The following DNM3 variants were observed in gnomAD, a reference collection of about 807,000 sequenced individuals.
DNM3 encodes the protein dynamin 3, also known as dynamin-3.
In DNM3, 47 loss-of-function variants were observed where a neutral mutation model predicts 101.6. That is an observed-to-expected ratio of 0.46 (90% confidence interval 0.37 to 0.59). The LOEUF (loss-of-function observed/expected upper bound fraction) is 0.59, where lower values mean the gene tolerates loss of function less well. DNM3 is among the 20% of genes least tolerant of loss of function. The pLI is 0.00. For missense variants in DNM3, 849 were observed against 1,085.7 expected (o/e 0.78, Z 3.06); for synonymous variants, 385 against 387.9 (o/e 0.99, Z 0.09).
At chr1:172,076,700 C>G (rs2052677379) in intron 11 of DNM3, among the ~76,000 whole-genome samples, 1 of 152,156 alleles carries the variant, frequency 6.6e-6, no homozygotes, top group Non-Finnish European at 1.5e-5. Flanking sequence ...TTTTGATGTG[C>G]TGCCGGATTC....
At position 171,956,590 on chromosome 1, in the gene DNM3, G is replaced by A. The variant is rs187428212; in HGVS notation, c.236-31066G>A. Among the ~76,000 whole-genome samples, 8 of 152,200 alleles carry A rather than the reference G, an allele frequency of 5.3e-5. No individual in the cohort carries two copies. In the South Asian group the frequency reaches 6.2e-4, roughly 12 times the overall value. On this transcript the variant is annotated intron_variant, in intron 2 of 20. Coordinates refer to ENST00000627582, the MANE Select transcript of DNM3 (RefSeq NM_015569.5). ...TTCCAGGTGCATAGTGCAGGCTGTC[G>A]GTGGATCTACCATTCTGGGGTCTGG...
intron 14 of DNM3, among the ~76,000 whole-genome samples, chr1:172,215,353 A>G (rs1428170349): frequency 6.6e-6 from 1 of 152,126 alleles, no homozygotes; most frequent in African/African-American, 2.4e-5. Context: ...TAGTATGTGC[A>G]TATGCCCCGG....
At chr1:171,897,207 T>A (rs985429598) in intron 1 of DNM3, among the ~76,000 whole-genome samples, 1 of 152,124 alleles carries the variant, frequency 6.6e-6, no homozygotes, top group Non-Finnish European at 1.5e-5. Flanking sequence ...ATTTCACGAA[T>A]CAGTTTTAAA....
intron 1 of DNM3, among the ~76,000 whole-genome samples, chr1:171,859,438 C>T (rs189879770): frequency 3.9e-4 from 59 of 152,236 alleles, no homozygotes; most frequent in Middle Eastern, 6.8e-3. Context: ...GGCAGGGTCT[C>T]TTTTATTTGT....
intron 14 of DNM3, among the ~76,000 whole-genome samples, chr1:172,170,239 G>C (rs1045693753): frequency 6.6e-6 from 1 of 151,878 alleles, no homozygotes; most frequent in Non-Finnish European, 1.5e-5. Context: ...AATATCAAGT[G>C]GAGGTGCCAT....
chr1:172,109,286 G>T (rs2055285765), intron 13 of DNM3, among the ~76,000 whole-genome samples: 1 of 151,932 alleles, frequency 6.6e-6, no homozygotes, highest in African/African-American at 2.4e-5. Flanking sequence ...TCTTCCTGTT[G>T]ACCTGCTGTA....
intron 3 of DNM3, among the ~76,000 whole-genome samples, chr1:171,988,222 T>C (rs976023031): frequency 1.4e-4 from 22 of 152,160 alleles, no homozygotes; most frequent in African/African-American, 4.6e-4. Flanking sequence ...CCCCAGACTA[T>C]CGGTAGAAAC....
Position 171,875,813 on chromosome 1 carries a change from C to CTTTTTTTTTTTTTT in DNM3, c.161+33999_161+34012dup, listed in dbSNP as rs60523795. Among the ~76,000 whole-genome samples, 652 of 104,590 alleles carry CTTTTTTTTTTTTTT rather than the reference C, an allele frequency of 6.2e-3. 78 individuals are homozygous for CTTTTTTTTTTTTTT. The highest frequency in any genetic ancestry group is 9.6e-3 in the South Asian group (27 of 2,810). The allele number at this position is 104,590 out of a possible 152,430, so 68.6% of individuals were successfully genotyped here. Reference sequence around the variant, plus strand: ...CAAGTCTAAAAAAAGAGTTGTCTCTCTTTTTTTTTTTTTTTTGAGATGGAG... The same window carrying CTTTTTTTTTTTTTT: ...CAAGTCTAAAAAAAGAGTTGTCTCTCTTTTTTTTTTTTTTTTTTTTTTTTTTTTTTGAGATGGAG... On this transcript the variant is annotated intron_variant, in intron 1 of 20. Coordinates refer to ENST00000627582, the MANE Select transcript of DNM3 (RefSeq NM_015569.5).
intron 14 of DNM3, among the ~76,000 whole-genome samples, chr1:172,165,557 C>T (rs900005854): frequency 1.3e-5 from 2 of 151,962 alleles, no homozygotes; most frequent in South Asian, 4.2e-4. Flanking sequence ...TATCCTGCTC[C>T]AGATCCCTAG....
intron 4 of DNM3, among the ~76,000 whole-genome samples, chr1:171,999,969 G>A (rs1288862831): frequency 6.6e-6 from 1 of 152,098 alleles, no homozygotes; most frequent in Non-Finnish European, 1.5e-5. Context: ...CTGGCTTGCA[G>A]AACTGTGAGA....
At chr1:172,222,822 A>G (rs112095653) in intron 14 of DNM3, among the ~76,000 whole-genome samples, 4,944 of 152,282 alleles carry the variant, frequency 0.032, 104 homozygotes, top group South Asian at 0.061. Flanking sequence ...CAAAGATCTC[A>G]GAAGAGATAT....
intron 2 of DNM3, among the ~76,000 whole-genome samples, chr1:171,947,471 G>A (rs2042241978): frequency 1.3e-5 from 2 of 151,996 alleles, no homozygotes; most frequent in Admixed American, 6.6e-5. Context: ...TAGTTTAAGT[G>A]TTTTAAATTT....
At position 172,112,020 on chromosome 1, in the gene DNM3, G is replaced by A. The variant is rs80168822; in HGVS notation, c.1545+19145G>A. Among the ~76,000 whole-genome samples, 429 of 152,210 alleles carry A rather than the reference G, an allele frequency of 2.8e-3. 6 individuals carry two copies. In the East Asian group the frequency reaches 0.035, roughly 12 times the overall value. ...CTACCTGTCATTCTCTGGAATATTT[G>A]ATATTTTAATAATCATAATAATAGC... On this transcript the variant is annotated intron_variant, in intron 13 of 20. Transcript: ENST00000627582.
At chr1:172,010,381 C>A (rs767403309) in intron 4 of DNM3, among the ~76,000 whole-genome samples, 1 of 151,596 alleles carries the variant, frequency 6.6e-6, no homozygotes, top group African/African-American at 2.4e-5. Flanking sequence ...TAGGACAGGT[C>A]TCTGACAACA....
At chr1:172,011,183 A>T (rs781660144) in intron 4 of DNM3, among the ~76,000 whole-genome samples, 27 of 151,912 alleles carry the variant, frequency 1.8e-4, no homozygotes, top group Non-Finnish European at 3.8e-4. Context: ...AATGCAACAT[A>T]TTCAATAAGA....
intron 4 of DNM3, among the ~76,000 whole-genome samples, chr1:172,023,282 C>T (rs995640872): frequency 2.0e-5 from 3 of 152,122 alleles, no homozygotes; most frequent in African/African-American, 7.2e-5. Context: ...TCCTGGATCT[C>T]ATGTCTTCCT....
chr1:172,158,685 C>T (rs1446504398), intron 14 of DNM3, among the ~76,000 whole-genome samples: 3 of 152,072 alleles, frequency 2.0e-5, no homozygotes, highest in Non-Finnish European at 4.4e-5. Flanking sequence ...AATATATAAA[C>T]TAACTCTCTC....
intron 4 of DNM3, among the ~76,000 whole-genome samples, chr1:171,993,004 T>C (rs1329544407): frequency 1.3e-5 from 2 of 152,032 alleles, no homozygotes; most frequent in Admixed American, 6.6e-5. Flanking sequence ...CTCCACTCCC[T>C]CCCCTTCCTA....
rs112223520 is a variant in DNM3 at position 171,972,933 on chromosome 1, C to A, written c.236-14723C>A. 8.9e-3 allele frequency among the ~76,000 whole-genome samples: 1,355 copies of A among 152,290 alleles called. 27 individuals are homozygous for A. Among genetic ancestry groups the A allele is most frequent in the African/African-American group, 0.031 (1,284 of 41,552 alleles). On this transcript the variant is annotated intron_variant, in intron 2 of 20. Transcript: ENST00000627582. ...GTGGGGAAGAGGGTGGAGCAGAGTT[C>A]TCTCTCAATACCCTGAAGTTATTTG...
Sources: allele counts gnomAD v4.1 joint callset (sites outside exome capture counted in the v4.1 genomes callset), GRCh38; gene constraint gnomAD v4.1.1; transcripts MANE v1.5; gene names NCBI Gene and HGNC (gene_info 2026-07-23, HGNC 2026-07-21).